PHC3: variants seen among roughly 807,000 people sequenced by gnomAD.
PHC3 encodes the protein polyhomeotic homolog 3.
Under a neutral mutation model 107.4 loss-of-function variants are expected in PHC3, and 13 were observed. The observed-to-expected ratio is 0.12, with a 90% CI of 0.08 to 0.19. PHC3 has a LOEUF of 0.19. PHC3 is among the 10% of genes least tolerant of loss of function. The probability of loss-of-function intolerance (pLI) is 1.00; values close to 1 mark genes in which losing one functional copy is unlikely to be tolerated. For missense variants in PHC3, 992 were observed against 1,210.9 expected, an observed-to-expected ratio of 0.82 and a Z score of 2.68; for synonymous variants, 456 against 427.4, an observed-to-expected ratio of 1.07 and a Z score of -0.83.
intron 5 of PHC3, among the ~76,000 whole-genome samples, chr3:170,146,267 C>T (rs892986403): frequency 1.3e-5 from 2 of 151,214 alleles, no homozygotes; most frequent in Non-Finnish European, 2.9e-5. Flanking sequence ...CCCAGCTACT[C>T]GAGAGGCTGA....
Position 170,102,507 on chromosome 3 carries a change from A to C in PHC3, c.2805T>G (p.Asp935Glu), listed in dbSNP as rs1394103129. 6.2e-7 allele frequency: 1 copy of C among 1,613,782 alleles called. No individual in the cohort carries two copies. The highest frequency in any genetic ancestry group is 8.5e-7 in the Non-Finnish European group (1 of 1,179,794). Residue 935 changes from aspartate (D) to glutamate (E), a missense_variant, in exon 14 of 15, where the codon GAT becomes GAG. Around this residue, in one of 6 missense-constraint regions of PHC3, gnomAD observed 228 missense variants for 288.8 expected, o/e 0.79. Coordinates refer to ENST00000495893, the MANE Select transcript of PHC3 (RefSeq NM_024947.4). ...GCAAAGAATGGATGAAGGCCCAGAC[A>C]TCATCAACTGTCCATATAGATGGCT... ...QTEPSIWTVD[D>E]VWAFIHSLPG...
At chr3:170,110,540 C>A (rs1717443340) in intron 11 of PHC3, among the ~76,000 whole-genome samples, 1 of 152,138 alleles carries the variant, frequency 6.6e-6, no homozygotes, top group Admixed American at 6.5e-5. Flanking sequence ...ATAATCTTAG[C>A]CAGTTTTAAA....
In PHC3 at chr3:170,108,202, AG is replaced by A. The variant is rs1380264741; in HGVS notation, c.2354-1257del. On this transcript the variant is annotated intron_variant, in intron 11 of 14. Transcript: ENST00000495893. ...TACTGAAAAGCATTTTACTAACTAAAGCTTTTAGCTGTGAACTCCATATGTG... is the reference window on the plus strand; with the variant it reads ...TACTGAAAAGCATTTTACTAACTAAACTTTTAGCTGTGAACTCCATATGTG... 2.6e-5 allele frequency among the ~76,000 whole-genome samples: 4 copies of A among 152,186 alleles called. No individual in the cohort carries two copies. The East Asian group carries it at 7.7e-4, about 29-fold the overall frequency.
At chr3:170,128,644 T>G in intron 8 of PHC3, 40 bp downstream of exon 8, 1 of 1,574,570 alleles carries the variant, frequency 6.4e-7, no homozygotes, top group Non-Finnish European at 8.6e-7. Flanking sequence ...GTTTTTACTT[T>G]CAGTTCAGCA....
In PHC3 at chr3:170,090,461, T is replaced by C. The variant is rs2108220019; in HGVS notation, c.*6769A>G. On this transcript the variant is annotated 3_prime_UTR_variant, in exon 15 of 15. Coordinates refer to ENST00000495893, the MANE Select transcript of PHC3 (RefSeq NM_024947.4). ...TTAAGTACATGAATGACAATATTCA[T>C]ATGTGTTCATATATTCAGTGGTTAA... The C allele has an allele frequency of 6.6e-6, 1 of 152,344 alleles. No homozygotes were observed. Among genetic ancestry groups the C allele is most frequent in the Middle Eastern group, 3.4e-3 (1 of 294 alleles). 9.4% of individuals were successfully genotyped at this position (152,344 alleles called of 1,614,324 possible). A position where few individuals can be genotyped will look rare whatever the true frequency, so the allele number is the denominator to read the frequency against.
In PHC3 at chr3:170,091,662, C is replaced by G. The variant is rs933952307; in HGVS notation, c.*5568G>C. On this transcript the variant is annotated 3_prime_UTR_variant, in exon 15 of 15. Transcript: ENST00000495893. ...TGATCTTCAGAGCTGAAAAGGAGGG[C>G]AGAGATTCTCCCTTAATGTATGTTT... The G allele has an allele frequency of 6.6e-6, 1 of 152,070 alleles. No individual in the cohort carries two copies. Among genetic ancestry groups the G allele is most frequent in the Admixed American group, 6.6e-5 (1 of 15,258 alleles). 9.4% of individuals were successfully genotyped at this position (152,070 alleles called of 1,614,324 possible).
At chr3:170,181,532 C>T (rs1364767151) in intron 1 of PHC3, among the ~76,000 whole-genome samples, 170 bp downstream of exon 1, 2 of 152,142 alleles carry the variant, frequency 1.3e-5, no homozygotes, top group African/African-American at 4.8e-5. Flanking sequence ...TAGAGTTCGT[C>T]TTCGCCCCGC....
At chr3:170,126,529 T>TATATATATATATATA (rs1491097010) in intron 8 of PHC3, among the ~76,000 whole-genome samples, 20 of 39,960 alleles carry the variant, frequency 5.0e-4, no homozygotes, top group African/African-American at 1.6e-3. Flanking sequence ...TATATATATA[T>TATATATATATATATA]TTTTTTTTTT....
intron 1 of PHC3, among the ~76,000 whole-genome samples, chr3:170,181,436 C>T (rs1731408755): frequency 1.3e-5 from 2 of 152,142 alleles, no homozygotes; most frequent in African/African-American, 4.8e-5. Context: ...CTCCCGGAGT[C>T]CCAAGGGTGA....
chr3:170,119,021 C>A (rs78312604), intron 9 of PHC3, among the ~76,000 whole-genome samples: 971 of 88,578 alleles, frequency 0.011, 16 homozygotes, highest in African/African-American at 0.039. Context: ...CAAAGTCACA[C>A]AATCTATAAA....
intron 6 of PHC3, among the ~76,000 whole-genome samples, chr3:170,145,092 T>C (rs1419249557): frequency 7.9e-5 from 12 of 152,218 alleles, no homozygotes; most frequent in Non-Finnish European, 1.5e-4. Flanking sequence ...TAAGGAATAC[T>C]GCAAAGGAAT....
At chr3:170,146,582 G>C (rs1444873438) in intron 5 of PHC3, among the ~76,000 whole-genome samples, 1 of 136,558 alleles carries the variant, frequency 7.3e-6, no homozygotes, top group Non-Finnish European at 1.5e-5. Context: ...ACCCAGGCTA[G>C]AGTGCAGTCA....
chr3:170,117,930 T>C (rs757657527), intron 9 of PHC3, among the ~76,000 whole-genome samples: 1 of 151,936 alleles, frequency 6.6e-6, no homozygotes, highest in Non-Finnish European at 1.5e-5. Flanking sequence ...GGAGAATCAC[T>C]TGAGCCCAGG....
intron 14 of PHC3, among the ~76,000 whole-genome samples, chr3:170,098,909 CCTTTT>C (rs2108254402): frequency 6.6e-6 from 1 of 152,196 alleles, no homozygotes; most frequent in East Asian, 1.9e-4. Flanking sequence ...TAGAAAAGCC[CCTTTT>C]CTTTTCCCAG....
intron 11 of PHC3, among the ~76,000 whole-genome samples, chr3:170,112,294 T>G (rs1717954139): frequency 6.6e-6 from 1 of 151,966 alleles, no homozygotes; most frequent in South Asian, 2.1e-4. Context: ...CACTGCAACT[T>G]CCGACTCCCT....
intron 4 of PHC3, among the ~76,000 whole-genome samples, chr3:170,154,064 T>A (rs1365264884): frequency 6.6e-6 from 1 of 152,184 alleles, no homozygotes; most frequent in African/African-American, 2.4e-5. Flanking sequence ...CTATTCCCCC[T>A]CTTTGTTGCC....
At chr3:170,166,429 T>C (rs1728759730) in intron 4 of PHC3, among the ~76,000 whole-genome samples, 1 of 152,174 alleles carries the variant, frequency 6.6e-6, no homozygotes, top group South Asian at 2.1e-4. Context: ...CTTCTTACAC[T>C]CAATACATAA....
chr3:170,178,639 T>C (rs1730903259), intron 2 of PHC3, 134 bp downstream of exon 2: 5 of 976,246 alleles, frequency 5.1e-6, no homozygotes, highest in Non-Finnish European at 8.0e-6. Context: ...ACAAAATGGA[T>C]TGAGACAGTT....
intron 11 of PHC3, among the ~76,000 whole-genome samples, chr3:170,111,577 TG>T (rs1305175782): frequency 1.3e-5 from 2 of 152,210 alleles, no homozygotes; most frequent in African/African-American, 2.4e-5. Context: ...TCTGGGTGAC[TG>T]GGGATTTATT....
Sources: gnomAD v4.1 joint callset for allele counts (sites outside exome capture counted in the v4.1 genomes callset) on GRCh38, gnomAD v4.1.1 for gene constraint, gnomAD v4.1.1 regional missense constraint, MANE v1.5 for transcripts, NCBI Gene and HGNC (gene_info 2026-07-23, HGNC 2026-07-21) for gene names.